Variants in BMPR1A observed in about 807,000 individuals in gnomAD.
BMPR1A encodes the protein bone morphogenetic protein receptor type-1A.
A neutral mutation model predicts 66.0 loss-of-function variants in BMPR1A; 7 were observed. That is an observed-to-expected ratio of 0.11 (90% CI 0.06 to 0.20). BMPR1A has a LOEUF of 0.20. Ranked by LOEUF, BMPR1A falls within the 10% of genes least tolerant of loss-of-function variation. The probability of loss-of-function intolerance (pLI) is 1.00; values close to 1 mark genes in which losing one functional copy is unlikely to be tolerated. For missense variants in BMPR1A, 408 were observed against 669.1 expected (o/e 0.61, Z 4.31); for synonymous variants, 200 against 229.7 (o/e 0.87, Z 1.17).
intron 1 of BMPR1A, among the ~76,000 whole-genome samples, chr10:86,758,935 G>A (rs763389118): frequency 1.4e-4 from 22 of 152,162 alleles, no homozygotes; most frequent in African/African-American, 5.1e-4. Flanking sequence ...CTAACACAGG[G>A]TCCAAGGCAG....
At chr10:86,760,292 C>T (rs1469765697) in intron 1 of BMPR1A, among the ~76,000 whole-genome samples, 4 of 120,690 alleles carry the variant, frequency 3.3e-5, no homozygotes, top group African/African-American at 3.3e-5. Flanking sequence ...CTCGCACTGT[C>T]GCCTGGGCTG....
chr10:86,846,285 T>C (rs560885466), intron 2 of BMPR1A, among the ~76,000 whole-genome samples: 23 of 152,192 alleles, frequency 1.5e-4, no homozygotes, highest in Non-Finnish European at 2.8e-4. Flanking sequence ...TGGGCCTATG[T>C]AGAGCCTTCC....
intron 1 of BMPR1A, among the ~76,000 whole-genome samples, chr10:86,772,119 G>A (rs1388968651): frequency 7.0e-6 from 1 of 143,538 alleles, no homozygotes; most frequent in East Asian, 2.0e-4. Context: ...GCGATGGTCA[G>A]AGATAGGTTT....
rs587780108 is a variant in BMPR1A at position 86,921,653 on chromosome 10, G to A, written c.1300G>A (p.Gly434Ser). The A allele has an allele frequency of 3.6e-5, 58 of 1,614,000 alleles. No individual in the cohort carries two copies. Among genetic ancestry groups the A allele is most frequent in the Middle Eastern group, 1.6e-4 (1 of 6,084 alleles). ...PYIMADIYSF[G>S]LIIWEMARRC... ...CATCATGGCTGACATCTACAGCTTCGGCCTAATCATTTGGGAGATGGCTCG... is the reference window on the plus strand; with the variant it reads ...CATCATGGCTGACATCTACAGCTTCAGCCTAATCATTTGGGAGATGGCTCG... Residue 434 changes from glycine (G) to serine (S), a missense_variant, in exon 11 of 13, where the codon GGC becomes AGC. By Grantham distance (56) the Gly-to-Ser change is moderately conservative (BLOSUM62 0). This residue lies in a region of BMPR1A where 130 missense variants were observed against 257.3 expected (regional missense o/e 0.51). Transcript: ENST00000372037.
chr10:86,831,496 C>G (rs1412004786), intron 1 of BMPR1A, among the ~76,000 whole-genome samples: 1 of 152,178 alleles, frequency 6.6e-6, no homozygotes, highest in Non-Finnish European at 1.5e-5. Context: ...TGGTTTATGC[C>G]TATAATCCCA....
At chr10:86,760,190 T>TTG (rs1841021300) in intron 1 of BMPR1A, among the ~76,000 whole-genome samples, 1 of 49,224 alleles carries the variant, frequency 2.0e-5, no homozygotes, top group Non-Finnish European at 4.5e-5. Context: ...ATTTACCTGT[T>TTG]TTTTTTTTTT....
chr10:86,929,739 T>G (rs1843790849), downstream of BMPR1A: 2 of 152,242 alleles, frequency 1.3e-5, no homozygotes, highest in Admixed American at 6.5e-5. Context: ...GTGGAAACAC[T>G]GAATAAATGT....
At chr10:86,801,684 T>G (rs1841813489) in intron 1 of BMPR1A, among the ~76,000 whole-genome samples, 1 of 151,884 alleles carries the variant, frequency 6.6e-6, no homozygotes, top group East Asian at 1.9e-4. Flanking sequence ...ACACTTCCTG[T>G]CCTTCACCTT....
At chr10:86,931,003 C>T (rs1843802318), downstream of BMPR1A, 1 of 151,942 alleles carries the variant, frequency 6.6e-6, no homozygotes, top group Admixed American at 6.6e-5. Flanking sequence ...CTAATCCCAG[C>T]ACTCTGGGAG....
chr10:86,894,721 A>G lies in BMPR1A; in HGVS notation c.333+2492A>G, dbSNP rs900764305. ...CATGAAGGAATTACTATGAGGATCAAATGAGATACATGTAAATAGTTTAGC... is the reference window on the plus strand; with the variant it reads ...CATGAAGGAATTACTATGAGGATCAGATGAGATACATGTAAATAGTTTAGC... On this transcript the variant is annotated intron_variant, in intron 5 of 12. Coordinates refer to ENST00000372037, the MANE Select transcript of BMPR1A (RefSeq NM_004329.3). 3.9e-5 allele frequency among the ~76,000 whole-genome samples: 6 copies of G among 152,354 alleles called. 1 individual carries two copies. The East Asian group carries it at 9.6e-4, about 24-fold the overall frequency.
downstream of BMPR1A, chr10:86,931,280 T>TACACACACACACAC (rs1271685565): frequency 9.3e-5 from 9 of 96,812 alleles, no homozygotes; most frequent in East Asian, 6.0e-4. Context: ...TATATATATA[T>TACACACACACACAC]ACACACACAC....
intron 2 of BMPR1A, among the ~76,000 whole-genome samples, chr10:86,849,620 A>C (rs1004224148): frequency 3.9e-5 from 6 of 152,042 alleles, no homozygotes; most frequent in Non-Finnish European, 8.8e-5. Context: ...CTAGAACTAC[A>C]CTCTCCGATA....
chr10:86,846,990 T>C (rs570823115), intron 2 of BMPR1A, among the ~76,000 whole-genome samples: 2 of 152,262 alleles, frequency 1.3e-5, no homozygotes, highest in African/African-American at 4.8e-5. Flanking sequence ...TTTATTTATT[T>C]AGAGGTGGAG....
intron 1 of BMPR1A, among the ~76,000 whole-genome samples, chr10:86,819,787 T>C (rs1455187590): frequency 3.9e-5 from 6 of 152,214 alleles, no homozygotes; most frequent in Non-Finnish European, 8.8e-5. Flanking sequence ...AGGCATACCA[T>C]GGGTTCTTCA....
At chr10:86,782,755 C>A (rs1169850649) in intron 1 of BMPR1A, among the ~76,000 whole-genome samples, 4 of 151,616 alleles carry the variant, frequency 2.6e-5, no homozygotes, top group Non-Finnish European at 5.9e-5. Context: ...GGATATTAAA[C>A]CCCTATCCAA....
At chr10:86,912,104 T>C (rs1843498417) in intron 7 of BMPR1A, 136 bp from the exon 8 acceptor site, 1 of 905,550 alleles carries the variant, frequency 1.1e-6, no homozygotes, top group South Asian at 1.6e-5. Context: ...TAACAGGATA[T>C]ATTATCCAAT....
At chr10:86,762,574 G>T (rs922562796) in intron 1 of BMPR1A, among the ~76,000 whole-genome samples, 1 of 152,254 alleles carries the variant, frequency 6.6e-6, no homozygotes, top group African/African-American at 2.4e-5. Flanking sequence ...GGGCCAGGCT[G>T]GTCTCAACTC....
At chr10:86,866,445 G>C (rs1193044516) in intron 2 of BMPR1A, among the ~76,000 whole-genome samples, 2 of 112,978 alleles carry the variant, frequency 1.8e-5, no homozygotes. Context: ...GTCTCGCACT[G>C]TCACCTGAGC....
At chr10:86,777,054 T>C (rs1841359996) in intron 1 of BMPR1A, among the ~76,000 whole-genome samples, 1 of 152,246 alleles carries the variant, frequency 6.6e-6, no homozygotes, top group Non-Finnish European at 1.5e-5. Flanking sequence ...GACCCTATTA[T>C]CTTTGCACTG....
Sources: allele counts gnomAD v4.1 joint callset (sites outside exome capture counted in the v4.1 genomes callset), GRCh38; gene constraint gnomAD v4.1.1; regional missense constraint gnomAD v4.1.1; transcripts MANE v1.5; gene names NCBI Gene and HGNC (gene_info 2026-07-23, HGNC 2026-07-21).